Variants in NSMAF observed in about 807,000 individuals in gnomAD.
NSMAF encodes the protein neutral sphingomyelinase activation associated factor.
A neutral mutation model predicts 134.9 loss-of-function variants in NSMAF; 90 were observed. That is an observed-to-expected ratio of 0.67 (90% CI 0.56 to 0.79). The LOEUF is 0.79. Among genes scored for constraint, NSMAF ranks in the 30% least tolerant of loss-of-function variants. The pLI, the probability that NSMAF is intolerant of heterozygous loss-of-function variation, is 0.00. For missense variants in NSMAF, 1,010 were observed against 1,119.0 expected (o/e 0.90, Z 1.39); for synonymous variants, 358 against 389.6 (o/e 0.92, Z 0.96).
At chr8:58,600,105 C>A in intron 16 of NSMAF, 84 bp from the exon 17 acceptor site, 1 of 948,370 alleles carries the variant, frequency 1.1e-6, no homozygotes, top group Non-Finnish European at 1.7e-6. Flanking sequence ...GGCTGTTCTA[C>A]ACTTTACCTG....
intron 10 of NSMAF, among the ~76,000 whole-genome samples, chr8:58,608,940 TAA>T (rs1806465604): frequency 6.6e-6 from 1 of 152,230 alleles, no homozygotes; most frequent in African/African-American, 2.4e-5. Flanking sequence ...TGGATCATGC[TAA>T]AAAGTGGCCA....
At chr8:58,627,569 C>T (rs1480449594) in intron 6 of NSMAF, among the ~76,000 whole-genome samples, 1 of 152,048 alleles carries the variant, frequency 6.6e-6, no homozygotes, top group Non-Finnish European at 1.5e-5. Context: ...CCAACAACGG[C>T]CAAGCTAAGA....
At position 58,605,894 on chromosome 8, in the gene NSMAF, A is replaced by G. The variant is rs773704084; in HGVS notation, c.868+33T>C. 7.9e-6 allele frequency: 12 copies of G among 1,521,982 alleles called. No individual in the cohort carries two copies. In the South Asian group the frequency reaches 1.3e-4, roughly 17 times the overall value. The allele number at this position is 1,521,982 out of a possible 1,614,324, so 94.3% of individuals were successfully genotyped here. ...GACTCAGCCTCCAAAAAAAAAAAAA[A>G]AAGAAAGAAACAATGAAGGGTGAGC... On this transcript the variant is annotated intron_variant, in intron 12 of 30. Transcript: ENST00000038176.
chr8:58,587,252 G>A (rs1805906662), intron 27 of NSMAF, among the ~76,000 whole-genome samples: 1 of 152,158 alleles, frequency 6.6e-6, no homozygotes, highest in Non-Finnish European at 1.5e-5. Context: ...CTGGACAGAT[G>A]GTTCCCTTCC....
intron 1 of NSMAF, chr8:58,659,367 G>C (rs1245003626): frequency 6.6e-7 from 1 of 1,523,884 alleles, no homozygotes; most frequent in Admixed American, 2.0e-5. Context: ...TCCCCGGCAG[G>C]CTCCGGCCCA....
rs780097238 is a variant in NSMAF, at chr8:58,599,760, A to AG, written c.1442dup (p.Trp482LeufsTer23). 2 of 1,613,876 alleles carry AG rather than the reference A, an allele frequency of 1.2e-6. No individual in the cohort carries two copies. Among genetic ancestry groups the AG allele is most frequent in the African/African-American group, 2.7e-5 (2 of 74,924 alleles). ...CAAGGGGGGACTCACTGGAAGCCCA[A>AG]GGGGGAAGCTCCACGTCGTCAACCA... On this transcript the variant is annotated frameshift_variant, in exon 18 of 31. Transcript: ENST00000038176. LOFTEE classifies it high-confidence loss of function.
At chr8:58,628,090 T>A (rs148303650) in intron 6 of NSMAF, among the ~76,000 whole-genome samples, 2 of 152,114 alleles carry the variant, frequency 1.3e-5, no homozygotes, top group Non-Finnish European at 2.9e-5. Flanking sequence ...CAAATACTTA[T>A]AGCCAACTGA....
At chr8:58,629,355 T>C (rs1057511057) in intron 6 of NSMAF, among the ~76,000 whole-genome samples, 1 of 152,224 alleles carries the variant, frequency 6.6e-6, no homozygotes, top group African/African-American at 2.4e-5. Flanking sequence ...GTTACTACAT[T>C]CTTCTCCAAA....
At chr8:58,587,763 G>T in intron 26 of NSMAF, 62 bp from the exon 27 acceptor site, 5 of 1,426,146 alleles carry the variant, frequency 3.5e-6, no homozygotes, top group Non-Finnish European at 4.9e-6. Context: ...ATTTTCTAGT[G>T]CATTCAAGAA....
intron 22 of NSMAF, chr8:58,594,523 C>A (rs916841058): frequency 1.8e-6 from 1 of 544,732 alleles, no homozygotes. Flanking sequence ...TCCCTGTGTT[C>A]CACATGCAAT....
At chr8:58,602,322 GTTAGACACAACCAC>G (rs1806303495) in intron 13 of NSMAF, among the ~76,000 whole-genome samples, 185 bp from the exon 14 acceptor site, 2 of 152,098 alleles carry the variant, frequency 1.3e-5, no homozygotes, top group South Asian at 4.1e-4. Flanking sequence ...TGAGTTTTAA[GTTAGACACAACCAC>G]TTAAGAGCAA....
rs994476649 is a variant in NSMAF at position 58,584,029 on chromosome 8, C to G, written c.*77G>C. 1.8e-6 allele frequency: 2 copies of G among 1,108,596 alleles called. No individual in the cohort carries two copies. Among genetic ancestry groups the G allele is most frequent in the African/African-American group, 3.1e-5 (2 of 64,968 alleles). 68.7% of individuals were successfully genotyped at this position (1,108,596 alleles called of 1,614,324 possible). A position where few individuals can be genotyped will look rare whatever the true frequency, so the allele number is the denominator to read the frequency against. Reference sequence around the variant, plus strand: ...CTTCTAATTACTAACATTGCACATTCACCAGTCCGTTTAAAAGTTTGGTTT... The same window carrying G: ...CTTCTAATTACTAACATTGCACATTGACCAGTCCGTTTAAAAGTTTGGTTT... On this transcript the variant is annotated 3_prime_UTR_variant, in exon 31 of 31. Coordinates refer to ENST00000038176, the MANE Select transcript of NSMAF (RefSeq NM_003580.4).
At chr8:58,606,700 C>G (rs985988373) in intron 11 of NSMAF, among the ~76,000 whole-genome samples, 64 of 152,164 alleles carry the variant, frequency 4.2e-4, no homozygotes, top group African/African-American at 1.5e-3. Context: ...GCTGAGCTAG[C>G]AAAGGAACAG....
At chr8:58,584,613 C>G (rs1460428396) in intron 30 of NSMAF, among the ~76,000 whole-genome samples, 1 of 152,080 alleles carries the variant, frequency 6.6e-6, no homozygotes, top group Admixed American at 6.6e-5. Flanking sequence ...ATTAAAGTTA[C>G]TAAGTTGAGA....
chr8:58,620,936 A>AT (rs538178332), intron 9 of NSMAF, among the ~76,000 whole-genome samples: 49 of 152,112 alleles, frequency 3.2e-4, no homozygotes, highest in African/African-American at 1.1e-3. Flanking sequence ...CAAAGACTTA[A>AT]TTTTTTTTAT....
chr8:58,588,349 T>A, intron 26 of NSMAF: 1 of 766,200 alleles, frequency 1.3e-6, no homozygotes. Context: ...TTTTTTTTTT[T>A]AAGTACAGTT....
intron 1 of NSMAF, chr8:58,659,061 C>T (rs1807790214): frequency 2.8e-6 from 2 of 715,762 alleles, no homozygotes; most frequent in Non-Finnish European, 4.2e-6. Context: ...GAAAAAGGCG[C>T]GGCAATGCGA....
At chr8:58,654,993 C>A (rs893712750) in intron 1 of NSMAF, among the ~76,000 whole-genome samples, 1 of 151,978 alleles carries the variant, frequency 6.6e-6, no homozygotes, top group African/African-American at 2.4e-5. Flanking sequence ...TGCCACCACA[C>A]CCGGCTAGTT....
intron 9 of NSMAF, among the ~76,000 whole-genome samples, chr8:58,612,006 A>G (rs1332103882): frequency 6.6e-6 from 1 of 152,138 alleles, no homozygotes; most frequent in Non-Finnish European, 1.5e-5. Flanking sequence ...AAACTTGTGT[A>G]ATTTCCCGAG....
Sources: allele counts gnomAD v4.1 joint callset (sites outside exome capture counted in the v4.1 genomes callset), GRCh38; gene constraint gnomAD v4.1.1; transcripts MANE v1.5; gene names NCBI Gene and HGNC (gene_info 2026-07-23, HGNC 2026-07-21).